The following PTPN14 variants were observed in gnomAD, a reference collection of about 807,000 sequenced individuals.
The protein encoded by PTPN14 is tyrosine-protein phosphatase non-receptor type 14.
Under a neutral mutation model 126.8 loss-of-function variants are expected in PTPN14, and 53 were observed. The ratio of observed to expected loss-of-function variants is 0.42; its 90% CI spans 0.34 to 0.53. The LOEUF (loss-of-function observed/expected upper bound fraction) is 0.53, where lower values mean the gene tolerates loss of function less well. PTPN14 is among the 20% of genes least tolerant of loss of function. PTPN14 has a pLI of 0.08. For synonymous variants in PTPN14, 630 were observed against 599.3 expected (o/e 1.05, Z -0.75); for missense variants, 1,257 against 1,552.9 (o/e 0.81, Z 3.20).
chr1:214,403,033 C>T, intron 5 of PTPN14, 80 bp from the exon 6 acceptor site: 2 of 1,383,846 alleles, frequency 1.4e-6, no homozygotes, highest in Admixed American at 3.4e-5. Context: ...AAGCTCCCTT[C>T]CTCAGATGTT....
At chr1:214,470,911 G>C (rs1660740328) in intron 1 of PTPN14, among the ~76,000 whole-genome samples, 1 of 150,514 alleles carries the variant, frequency 6.6e-6, no homozygotes, top group South Asian at 2.1e-4. Context: ...TGTAATCCCA[G>C]CTACTCGGGA....
At chr1:214,422,873 C>T (rs1329791435) in intron 3 of PTPN14, among the ~76,000 whole-genome samples, 1 of 152,134 alleles carries the variant, frequency 6.6e-6, no homozygotes, top group African/African-American at 2.4e-5. Flanking sequence ...AACTCTCTGT[C>T]GATGAAGTAA....
intron 3 of PTPN14, among the ~76,000 whole-genome samples, chr1:214,433,505 G>A (rs1284973995): frequency 6.6e-6 from 1 of 152,026 alleles, no homozygotes; most frequent in Admixed American, 6.6e-5. Flanking sequence ...GTTCATCACT[G>A]TCTACCTTTC....
chr1:214,377,864 A>G, intron 14 of PTPN14, 95 bp downstream of exon 14: 1 of 1,433,582 alleles, frequency 7.0e-7, no homozygotes, highest in Non-Finnish European at 9.5e-7. Context: ...AGAATGCATC[A>G]CACAAATCTC....
chr1:214,386,699 A>G, intron 12 of PTPN14, 145 bp downstream of exon 12: 2 of 913,050 alleles, frequency 2.2e-6, no homozygotes, highest in East Asian at 2.7e-5. Context: ...GCCTTCCACA[A>G]ACTGAAGCTG....
chr1:214,442,943 C>T (rs1351742345), intron 3 of PTPN14, among the ~76,000 whole-genome samples: 1 of 152,148 alleles, frequency 6.6e-6, no homozygotes. Flanking sequence ...CCCGCCTCAG[C>T]CTCCTGAGTA....
chr1:214,531,499 A>ACACACACACACACACAC (rs1655545929), intron 1 of PTPN14: 55 of 129,620 alleles, frequency 4.2e-4, no homozygotes, highest in African/African-American at 1.5e-3. Context: ...AACCCAGCCT[A>ACACACACACACACACAC]ACACACACAC....
intron 17 of PTPN14, among the ~76,000 whole-genome samples, chr1:214,367,230 G>T (rs1039565977): frequency 1.3e-5 from 2 of 152,146 alleles, no homozygotes; most frequent in African/African-American, 4.8e-5. Flanking sequence ...AGGAGGAAAA[G>T]AAGTTCTGTA....
chr1:214,348,726 A>C lies in PTPN14; in HGVS notation c.*9196T>G, dbSNP rs1043689433. Reference sequence around the variant, plus strand: ...TTTCTCTGAAAAAAAGGTTTATTGCATATGGAAATCAATAGATATCTTTTA... The same window carrying C: ...TTTCTCTGAAAAAAAGGTTTATTGCCTATGGAAATCAATAGATATCTTTTA... On this transcript the variant is annotated 3_prime_UTR_variant, in exon 19 of 19. Transcript: ENST00000366956. The C allele has an allele frequency of 6.6e-6, 1 of 152,230 alleles. No homozygotes were observed. Among genetic ancestry groups the C allele is most frequent in the Non-Finnish European group, 1.5e-5 (1 of 68,038 alleles). The allele number at this position is 152,230 out of a possible 1,614,324, so 9.4% of individuals were successfully genotyped here.
intron 1 of PTPN14, among the ~76,000 whole-genome samples, chr1:214,516,933 G>A (rs1655115446): frequency 6.6e-6 from 1 of 151,970 alleles, no homozygotes. Context: ...CTGGCTTCTG[G>A]ACTATGCCTT....
chr1:214,386,899 C>A lies in PTPN14; in HGVS notation c.1011G>T (p.Leu337=), dbSNP rs1658630688. Residue 337 remains leucine, a synonymous_variant, in exon 12 of 19, where the codon CTG becomes CTT. Coordinates refer to ENST00000366956, the MANE Select transcript of PTPN14 (RefSeq NM_005401.5). ...SSLPRQQPYI[L]PPVHVQCGEH... ...CACCACACTGGACGTGAACGGGAGG[C>A]AGGATGTACGGCTGCTGCCTGGGCT... The A allele has an allele frequency of 6.2e-7, 1 of 1,607,738 alleles. No individual in the cohort carries two copies.
chr1:214,453,389 A>C (rs775644774), intron 2 of PTPN14, among the ~76,000 whole-genome samples: 1 of 152,216 alleles, frequency 6.6e-6, no homozygotes, highest in African/African-American at 2.4e-5. Context: ...AGGTCAGTCC[A>C]TCTCCCATCT....
Position 214,399,679 on chromosome 1 carries a change from A to C in PTPN14, c.670-1678T>G, listed in dbSNP as rs528270824. Reference sequence around the variant, plus strand: ...GAAACTCCCATTCTTCAGTGCAGGGATATTTTCTCGAATAATTACCTTTTG... The same window carrying C: ...GAAACTCCCATTCTTCAGTGCAGGGCTATTTTCTCGAATAATTACCTTTTG... On this transcript the variant is annotated intron_variant, in intron 7 of 18. Coordinates refer to ENST00000366956, the MANE Select transcript of PTPN14 (RefSeq NM_005401.5). Among the ~76,000 whole-genome samples the C allele has an allele frequency of 4.6e-5, 7 of 152,254 alleles. No individual in the cohort carries two copies. In the South Asian group the frequency reaches 1.5e-3, roughly 32 times the overall value.
At chr1:214,505,636 C>T (rs1654822501) in intron 1 of PTPN14, among the ~76,000 whole-genome samples, 1 of 152,188 alleles carries the variant, frequency 6.6e-6, no homozygotes, top group Admixed American at 6.5e-5. Context: ...TGTCTCACGC[C>T]TGTAACCCCA....
chr1:214,393,733 T>C lies in PTPN14; in HGVS notation c.891A>G (p.Thr297=). 1 of 1,604,814 alleles carries C rather than the reference T, an allele frequency of 6.2e-7. No homozygotes were observed. The highest frequency in any genetic ancestry group is 8.5e-7 in the Non-Finnish European group (1 of 1,171,500). The change falls in exon 10 of 19, where the codon ACA becomes ACG. Residue 297 remains threonine (T), a synonymous_variant. Coordinates refer to ENST00000366956, the MANE Select transcript of PTPN14 (RefSeq NM_005401.5). ...TGTTTTGTTTGTAAAACTTGTGTCG[T>C]GTGGCAAACAACCGAGAAATATACT... ...NAKYISRLFA[T]RHKFYKQNKI... is the part of the protein sequence containing the mutation.
chr1:214,469,660 A>T (rs1032306414), intron 1 of PTPN14, among the ~76,000 whole-genome samples: 3 of 149,032 alleles, frequency 2.0e-5, no homozygotes, highest in African/African-American at 7.4e-5. Flanking sequence ...ATTTACTGTA[A>T]TTTTTTTTTT....
chr1:214,496,299 C>A lies in PTPN14; in HGVS notation c.-154-31342G>T, dbSNP rs73077929. On this transcript the variant is annotated intron_variant, in intron 1 of 18. Transcript: ENST00000366956. ...TGTTCTAGAGCAGAAGGTCACACTG[C>A]GGAACATACTTTATAACTGTAACAG... is the stretch of plus-strand genomic sequence containing the variant. 6.6e-3 allele frequency among the ~76,000 whole-genome samples: 1,010 copies of A among 152,204 alleles called. 10 individuals are homozygous for A. The highest frequency in any genetic ancestry group is 0.023 in the African/African-American group (970 of 41,504).
intron 1 of PTPN14, among the ~76,000 whole-genome samples, chr1:214,506,219 A>G (rs1654840124): frequency 6.6e-6 from 1 of 152,178 alleles, no homozygotes; most frequent in African/African-American, 2.4e-5. Context: ...AAATATAAAA[A>G]CTGGCCAGGC....
intron 1 of PTPN14, chr1:214,533,533 A>AT (rs1655612869): frequency 3.1e-6 from 1 of 323,162 alleles, no homozygotes; most frequent in Admixed American, 4.3e-5. Flanking sequence ...AGCGGTTTAA[A>AT]TAAAAAAAAA....
Sources: gnomAD v4.1 joint callset for allele counts (sites outside exome capture counted in the v4.1 genomes callset) on GRCh38, gnomAD v4.1.1 for gene constraint, MANE v1.5 for transcripts, NCBI Gene and HGNC (gene_info 2026-07-23, HGNC 2026-07-21) for gene names.